The following GUCY1A2 variants were observed in gnomAD, a reference collection of about 807,000 sequenced individuals.
The protein encoded by GUCY1A2 is guanylate cyclase 1 soluble subunit alpha 2, also known as guanylate cyclase soluble subunit alpha-2.
GUCY1A2 carries 27 observed loss-of-function variants against 63.5 expected under a neutral mutation model. The ratio of observed to expected loss-of-function variants is 0.43; its 90% CI spans 0.31 to 0.59. The LOEUF is 0.59. Among genes scored for constraint, GUCY1A2 ranks in the 20% least tolerant of loss-of-function variants. The pLI is 0.11. For missense variants in GUCY1A2, 768 were observed against 913.3 expected (o/e 0.84, Z 2.05); for synonymous variants, 364 against 343.5 (o/e 1.06, Z -0.66).
intron 3 of GUCY1A2, among the ~76,000 whole-genome samples, chr11:106,960,234 T>A (rs76374188): frequency 7.1e-3 from 14 of 1,960 alleles, no homozygotes; most frequent in Admixed American, 0.026. Context: ...GTTTTGAATT[T>A]TTTTTTTAAA....
chr11:106,932,770 A>G (rs1269426206), intron 4 of GUCY1A2, among the ~76,000 whole-genome samples: 1 of 152,210 alleles, frequency 6.6e-6, no homozygotes, highest in Non-Finnish European at 1.5e-5. Flanking sequence ...TTACAGAAAC[A>G]GACACATAAA....
At chr11:106,745,438 A>T (rs1387521794) in intron 6 of GUCY1A2, among the ~76,000 whole-genome samples, 1 of 152,242 alleles carries the variant, frequency 6.6e-6, no homozygotes, top group Non-Finnish European at 1.5e-5. Context: ...AACTCTCACT[A>T]AATTGCCTCC....
chr11:106,725,489 G>T (rs1863392372), intron 6 of GUCY1A2, among the ~76,000 whole-genome samples: 1 of 151,836 alleles, frequency 6.6e-6, no homozygotes, highest in African/African-American at 2.4e-5. Context: ...TATTTTCATG[G>T]TGTATATTTA....
chr11:107,017,863 C>T lies in GUCY1A2; in HGVS notation c.193G>A (p.Ala65Thr). 1.6e-6 allele frequency: 2 copies of T among 1,251,032 alleles called. No homozygotes were observed. The highest frequency in any genetic ancestry group is 2.0e-6 in the Non-Finnish European group (2 of 996,674). 77.5% of individuals were successfully genotyped at this position (1,251,032 alleles called of 1,614,324 possible). A position where few individuals can be genotyped will look rare whatever the true frequency, so the allele number is the denominator to read the frequency against. ...AAAAPAPTPA[A>T]SAAAAAATAG... ...GTGGCAGCGGCGGCGGCGGCAGAAG[C>T]AGCCGGGGTCGGGGCCGGGGCGGCG... The change falls in exon 1 of 8, where the codon GCT becomes ACT. Residue 65 changes from alanine (A) to threonine (T), a missense_variant. Physicochemically the swap from Ala to Thr is moderately conservative, Grantham distance 58. Transcript: ENST00000526355.
intron 3 of GUCY1A2, among the ~76,000 whole-genome samples, chr11:106,972,506 AG>A (rs1177012296): frequency 6.6e-6 from 1 of 152,126 alleles, no homozygotes; most frequent in African/African-American, 2.4e-5. Flanking sequence ...CTAGACAGAA[AG>A]CTGCTAGTGA....
In GUCY1A2 at chr11:106,776,388, C is replaced by T. The variant is rs771763470; in HGVS notation, c.1836+51G>A. 4.2e-6 allele frequency: 6 copies of T among 1,435,310 alleles called. No homozygotes were observed. In the Admixed American group the frequency reaches 1.1e-4, roughly 25 times the overall value. The allele number at this position is 1,435,310 out of a possible 1,614,324, so 88.9% of individuals were successfully genotyped here. A position where few individuals can be genotyped will look rare whatever the true frequency, so the allele number is the denominator to read the frequency against. ...AACTTGGAAGGGAATTATTTGCCTC[C>T]TCCAGTTAATGGTGCACTTACTACT... On this transcript the variant is annotated intron_variant, in intron 6 of 7. Transcript: ENST00000526355.
chr11:107,001,497 A>T (rs931962641), intron 1 of GUCY1A2, among the ~76,000 whole-genome samples: 2 of 152,190 alleles, frequency 1.3e-5, no homozygotes, highest in Admixed American at 6.5e-5. Flanking sequence ...CAGTAAAATT[A>T]AGCATGCATA....
chr11:106,778,883 A>G (rs1211197810), intron 5 of GUCY1A2, among the ~76,000 whole-genome samples: 3 of 152,038 alleles, frequency 2.0e-5, no homozygotes, highest in Non-Finnish European at 4.4e-5. Context: ...TCTGTGTGCT[A>G]TGTAGATCTG....
At chr11:106,971,276 C>T (rs896567142) in intron 3 of GUCY1A2, among the ~76,000 whole-genome samples, 3 of 150,522 alleles carry the variant, frequency 2.0e-5, no homozygotes, top group African/African-American at 7.4e-5. Context: ...GGATGGAAGA[C>T]TATAATAAAA....
intron 3 of GUCY1A2, among the ~76,000 whole-genome samples, chr11:106,952,947 T>C (rs561918945): frequency 6.6e-6 from 1 of 152,272 alleles, no homozygotes; most frequent in South Asian, 2.1e-4. Context: ...GCCAGGGTTT[T>C]CTAAATATAA....
Position 106,801,655 on chromosome 11 carries a change from A to G in GUCY1A2, c.1692+8338T>C, listed in dbSNP as rs527340304. Among the ~76,000 whole-genome samples the G allele has an allele frequency of 2.0e-5, 3 of 152,284 alleles. No homozygotes were observed. In the South Asian group the frequency reaches 6.2e-4, roughly 32 times the overall value. ...CTCATCTTCAAAAGGGACACTTATT[A>G]TTTGATAGCACAACAGAGCCATCAT... is the stretch of plus-strand genomic sequence containing the variant. On this transcript the variant is annotated intron_variant, in intron 5 of 7. Transcript: ENST00000526355.
chr11:106,763,769 G>C (rs1368208003), intron 6 of GUCY1A2, among the ~76,000 whole-genome samples: 4 of 152,092 alleles, frequency 2.6e-5, no homozygotes, highest in Non-Finnish European at 4.4e-5. Flanking sequence ...TTGCACATGA[G>C]AGAAATTCAG....
intron 6 of GUCY1A2, among the ~76,000 whole-genome samples, chr11:106,743,922 CA>C (rs1863740441): frequency 6.6e-6 from 1 of 152,110 alleles, no homozygotes. Context: ...ATACAATATG[CA>C]GAAAACTAAA....
chr11:107,017,344 T>C (rs1861837097), intron 1 of GUCY1A2, among the ~76,000 whole-genome samples: 1 of 152,016 alleles, frequency 6.6e-6, no homozygotes, highest in Non-Finnish European at 1.5e-5. Context: ...GGGGCTCCTT[T>C]GGGATGCTGG....
At chr11:106,861,913 AT>A (rs1399901070) in intron 4 of GUCY1A2, among the ~76,000 whole-genome samples, 4 of 152,070 alleles carry the variant, frequency 2.6e-5, no homozygotes, top group Admixed American at 2.0e-4. Context: ...CAAAACTCTG[AT>A]AAACTAATGG....
intron 1 of GUCY1A2, among the ~76,000 whole-genome samples, chr11:106,991,555 T>C (rs1473896125): frequency 6.6e-6 from 1 of 152,090 alleles, no homozygotes; most frequent in Non-Finnish European, 1.5e-5. Context: ...GATATAAATA[T>C]GATGAAAAAG....
At chr11:106,849,702 CTT>C (rs141414909) in intron 4 of GUCY1A2, among the ~76,000 whole-genome samples, 8,085 of 151,582 alleles carry the variant, frequency 0.053, 270 homozygotes, top group Non-Finnish European at 0.073. Context: ...TTAAGACACT[CTT>C]TTGAAAAATA....
intron 4 of GUCY1A2, among the ~76,000 whole-genome samples, chr11:106,922,565 T>C (rs976941967): frequency 1.3e-5 from 2 of 149,686 alleles, no homozygotes; most frequent in African/African-American, 4.9e-5. Context: ...TATATATATA[T>C]GTTTTTAAAA....
At chr11:106,932,453 T>C (rs1860616175) in intron 4 of GUCY1A2, among the ~76,000 whole-genome samples, 3 of 152,114 alleles carry the variant, frequency 2.0e-5, no homozygotes, top group Admixed American at 2.0e-4. Flanking sequence ...AGAACCAGCA[T>C]GAACATCACT....
Sources: allele counts gnomAD v4.1 joint callset (sites outside exome capture counted in the v4.1 genomes callset), GRCh38; gene constraint gnomAD v4.1.1; transcripts MANE v1.5; gene names NCBI Gene and HGNC (gene_info 2026-07-23, HGNC 2026-07-21).